PPP1R7: variants seen among roughly 807,000 people sequenced by gnomAD.
PPP1R7 encodes the protein protein phosphatase 1 regulatory subunit 22.
A neutral mutation model predicts 45.2 loss-of-function variants in PPP1R7; 18 were observed. The observed-to-expected ratio is 0.40, with a 90% confidence interval of 0.28 to 0.59. PPP1R7 has a LOEUF of 0.59. PPP1R7 is among the 20% of genes least tolerant of loss of function. PPP1R7 has a pLI of 0.46. For synonymous variants in PPP1R7, 181 were observed against 183.4 expected, an observed-to-expected ratio of 0.99 and a Z score of 0.11; for missense variants, 314 against 455.8, an observed-to-expected ratio of 0.69 and a Z score of 2.83.
At chr2:241,163,433 G>T (rs368461449) in intron 7 of PPP1R7, 32 bp downstream of exon 7, 1 of 1,481,570 alleles carries the variant, frequency 6.7e-7, no homozygotes, top group African/African-American at 1.4e-5. Context: ...CCTTCCCTGC[G>T]AGCCCTGGCA....
Position 241,183,268 on chromosome 2 carries a change from A to G in PPP1R7, c.*445A>G. The G allele has an allele frequency of 4.9e-6, 2 of 405,444 alleles. No individual in the cohort carries two copies. Among genetic ancestry groups the G allele is most frequent in the South Asian group, 3.8e-5 (2 of 52,010 alleles). The allele number at this position is 405,444 out of a possible 1,614,324, so 25.1% of individuals were successfully genotyped here. On this transcript the variant is annotated 3_prime_UTR_variant, in exon 10 of 10. Transcript: ENST00000234038. Reference sequence around the variant, plus strand: ...GGTTCAGGCAGTCTTGACCTGCAACAACCGAGGTTTTTTAGTCTTTTAACC... The same window carrying G: ...GGTTCAGGCAGTCTTGACCTGCAACGACCGAGGTTTTTTAGTCTTTTAACC...
intron 8 of PPP1R7, 81 bp downstream of exon 8, chr2:241,166,522 G>A (rs2067714483): frequency 2.5e-6 from 3 of 1,179,114 alleles, no homozygotes; most frequent in Admixed American, 4.0e-5. Flanking sequence ...AGCACACACT[G>A]GCCTCTCGGG....
In PPP1R7 at chr2:241,165,187, G is replaced by A. The variant is rs960445751; in HGVS notation, c.715-1150G>A. Among the ~76,000 whole-genome samples the A allele has an allele frequency of 2.6e-5, 4 of 151,376 alleles. No individual in the cohort carries two copies. The South Asian group carries it at 8.3e-4, about 31-fold the overall frequency. On this transcript the variant is annotated intron_variant, in intron 7 of 9. Coordinates refer to ENST00000234038, the MANE Select transcript of PPP1R7 (RefSeq NM_002712.3). ...GTTCTTTTTTTTGGTTTTTTTTTGA[G>A]ATGGAATTTCGCTCTTATTGCCCAG...
At chr2:241,162,026 G>A (rs974303457) in intron 6 of PPP1R7, among the ~76,000 whole-genome samples, 5 of 152,212 alleles carry the variant, frequency 3.3e-5, no homozygotes, top group Non-Finnish European at 7.3e-5. Flanking sequence ...GCTTGGACAG[G>A]ATACAAACCA....
In PPP1R7 at chr2:241,182,916, T is replaced by G; in HGVS notation, c.*93T>G. 1.4e-6 allele frequency: 2 copies of G among 1,411,618 alleles called. No homozygotes were observed. Among genetic ancestry groups the G allele is most frequent in the Non-Finnish European group, 1.9e-6 (2 of 1,043,048 alleles). The allele number at this position is 1,411,618 out of a possible 1,614,324, so 87.4% of individuals were successfully genotyped here. On this transcript the variant is annotated 3_prime_UTR_variant, in exon 10 of 10. Transcript: ENST00000234038. The stretch of plus-strand genomic sequence containing the variant: ...CCTGTTGCTCCTGAGGTCGTCACTA[T>G]ATCAACAGTCACAAACCCAATGGCA...
chr2:241,176,526 C>T (rs1262715405), intron 9 of PPP1R7, among the ~76,000 whole-genome samples: 8 of 150,750 alleles, frequency 5.3e-5, no homozygotes, highest in African/African-American at 1.5e-4. Context: ...GGCACGATCT[C>T]GGCTCACTGC....
At chr2:241,169,280 C>T (rs1209206736) in intron 8 of PPP1R7, among the ~76,000 whole-genome samples, 1 of 152,186 alleles carries the variant, frequency 6.6e-6, no homozygotes, top group African/African-American at 2.4e-5. Flanking sequence ...CCCACTGCTA[C>T]TGTGCGCCTG....
At chr2:241,160,879 G>A (rs1260165533) in intron 6 of PPP1R7, among the ~76,000 whole-genome samples, 1 of 151,924 alleles carries the variant, frequency 6.6e-6, no homozygotes, top group Non-Finnish European at 1.5e-5. Flanking sequence ...GCCCAGCAAA[G>A]TGGTCACTTG....
rs760632433 is a variant in PPP1R7, at chr2:241,163,365, G to A, written c.678G>A (p.Leu226=). 2.5e-6 allele frequency: 4 copies of A among 1,613,808 alleles called. No individual in the cohort carries two copies. Among genetic ancestry groups the A allele is most frequent in the Non-Finnish European group, 3.4e-6 (4 of 1,179,786 alleles). Residue 226 remains leucine, a synonymous_variant, in exon 7 of 10, where the codon CTG becomes CTA. Transcript: ENST00000234038. ...GKNKITKLQN[L]DALTNLTVLS... ...ACAAAATTACTAAACTTCAGAACCT[G>A]GATGCGCTCACCAACCTGACAGTCC...
upstream of PPP1R7, chr2:241,149,665 G>C (rs1226029533): frequency 1.9e-6 from 3 of 1,545,058 alleles, no homozygotes; most frequent in Non-Finnish European, 2.6e-6. Context: ...CTCCGCCCCC[G>C]GGCCGGGCAG....
intron 1 of PPP1R7, among the ~76,000 whole-genome samples, chr2:241,150,801 G>T (rs1230039758): frequency 6.6e-6 from 1 of 152,220 alleles, no homozygotes; most frequent in Non-Finnish European, 1.5e-5. Flanking sequence ...CAGGCCGGGG[G>T]TGGGGCTGAA....
Position 241,160,416 on chromosome 2 carries a change from C to A in PPP1R7, c.519C>A (p.Asn173Lys). 1 of 1,613,058 alleles carries A rather than the reference C, an allele frequency of 6.2e-7. No individual in the cohort carries two copies. Among genetic ancestry groups the A allele is most frequent in the Non-Finnish European group, 8.5e-7 (1 of 1,179,704 alleles). ...GACTGAAAAAACTCTTCTTGGTCAA[C>A]AATAAAATCAGTAAAATTGAGAACT... is the stretch of plus-strand genomic sequence containing the variant. The part of the protein sequence containing the change: ...LTRLKKLFLV[N>K]NKISKIENLS... Residue 173 changes from asparagine (N) to lysine (K), a missense_variant, in exon 6 of 10, where the codon AAC becomes AAA. Asn to Lys is a moderately conservative substitution (Grantham distance 94, BLOSUM62 0). Transcript: ENST00000234038.
At chr2:241,153,970 A>G (rs538454795) in intron 2 of PPP1R7, among the ~76,000 whole-genome samples, 62 of 151,990 alleles carry the variant, frequency 4.1e-4, no homozygotes, top group Non-Finnish European at 7.2e-4. Context: ...TCACGAGGTC[A>G]GGAGATCAAG....
At chr2:241,156,546 C>T (rs750692249) in intron 2 of PPP1R7, among the ~76,000 whole-genome samples, 2 of 152,112 alleles carry the variant, frequency 1.3e-5, no homozygotes, top group Non-Finnish European at 2.9e-5. Flanking sequence ...CATGGTAGCA[C>T]ACACCCGTAG....
chr2:241,166,529 C>G, intron 8 of PPP1R7, 88 bp downstream of exon 8: 1 of 1,111,448 alleles, frequency 9.0e-7, no homozygotes, highest in South Asian at 1.3e-5. Context: ...ACTGGCCTCT[C>G]GGGCCGGTGT....
chr2:241,159,299 C>T lies in PPP1R7; in HGVS notation c.390C>T (p.Asn130=). The T allele has an allele frequency of 6.2e-7, 1 of 1,613,782 alleles. No individual in the cohort carries two copies. The highest frequency in any genetic ancestry group is 8.5e-7 in the Non-Finnish European group (1 of 1,179,804). Residue 130 remains asparagine, a synonymous_variant, in exon 5 of 10, where the codon AAC becomes AAT. Coordinates refer to ENST00000234038, the MANE Select transcript of PPP1R7 (RefSeq NM_002712.3). ...TTCGAGAGCTGGATCTTTACGACAA[C>T]CAGATCAAGAAGATTGAGAATCTGG... is the stretch of plus-strand genomic sequence containing the variant. ...QSLRELDLYD[N]QIKKIENLEA...
At chr2:241,151,083 C>A (rs1268029164) in intron 1 of PPP1R7, among the ~76,000 whole-genome samples, 1 of 152,142 alleles carries the variant, frequency 6.6e-6, no homozygotes, top group Non-Finnish European at 1.5e-5. Context: ...AGTCTGAATT[C>A]AACTTTCTTC....
intron 8 of PPP1R7, among the ~76,000 whole-genome samples, 170 bp from the exon 9 acceptor site, chr2:241,169,611 G>A (rs2067779648): frequency 6.6e-6 from 1 of 152,098 alleles, no homozygotes; most frequent in Admixed American, 6.5e-5. Flanking sequence ...AGGGAGGGCT[G>A]CAGGAAGCAA....
At chr2:241,179,199 C>T (rs890717323) in intron 9 of PPP1R7, among the ~76,000 whole-genome samples, 1 of 152,186 alleles carries the variant, frequency 6.6e-6, no homozygotes, top group Non-Finnish European at 1.5e-5. Context: ...GGATCAGCTG[C>T]TGAGATTACT....
Sources: gnomAD v4.1 joint callset for allele counts (sites outside exome capture counted in the v4.1 genomes callset) on GRCh38, gnomAD v4.1.1 for gene constraint, MANE v1.5 for transcripts, NCBI Gene and HGNC (gene_info 2026-07-23, HGNC 2026-07-21) for gene names.